Variants in BARX2 observed in about 807,000 individuals in gnomAD.
BARX2 encodes BARX homeobox 2, also known as homeobox protein BarH-like 2.
Under a neutral mutation model 25.5 loss-of-function variants are expected in BARX2, and 11 were observed. The observed-to-expected ratio is 0.43, with a 90% confidence interval of 0.27 to 0.71. The LOEUF is 0.71. Among genes scored for constraint, BARX2 ranks in the 30% least tolerant of loss-of-function variants. The pLI is 0.19. For missense variants in BARX2, 360 were observed against 359.9 expected, an observed-to-expected ratio of 1.00 and a Z score of 0.00; for synonymous variants, 137 against 149.5, an observed-to-expected ratio of 0.92 and a Z score of 0.61.
rs79376211 is a variant in BARX2 at position 129,390,846 on chromosome 11, T to G, written c.187+14624T>G. On this transcript the variant is annotated intron_variant, in intron 1 of 3. Transcript: ENST00000281437. This position sits in a 1 kb window ranked among gnomAD's most constrained non-coding sequence, Gnocchi z 4.3. ...TTTCATCATCCTGGGTCACAAAAGA[T>G]CATGACGACTGTATTATAATACAAT... is the stretch of plus-strand genomic sequence containing the variant. Among the ~76,000 whole-genome samples, 1 of 152,140 alleles carries G rather than the reference T, an allele frequency of 6.6e-6. No individual in the cohort carries two copies. Among genetic ancestry groups the G allele is most frequent in the Non-Finnish European group, 1.5e-5 (1 of 68,020 alleles).
intron 1 of BARX2, among the ~76,000 whole-genome samples, chr11:129,419,884 G>A (rs1861985185): frequency 2.0e-5 from 3 of 152,098 alleles, no homozygotes; most frequent in African/African-American, 7.2e-5. Context: ...GGGTTCAAGC[G>A]ATTCTCATGC....
intron 1 of BARX2, among the ~76,000 whole-genome samples, chr11:129,398,532 A>G (rs1861744920): frequency 6.6e-6 from 1 of 152,244 alleles, no homozygotes. Context: ...TATTCCAAGC[A>G]CATGCTCAAT....
chr11:129,446,718 T>A (rs1305875307), intron 3 of BARX2, among the ~76,000 whole-genome samples: 1 of 152,106 alleles, frequency 6.6e-6, no homozygotes, highest in Non-Finnish European at 1.5e-5. Context: ...TCCCCAGTCA[T>A]CTCCAAGTCA....
At chr11:129,389,260 A>G (rs1160598813) in intron 1 of BARX2, among the ~76,000 whole-genome samples, 3 of 152,218 alleles carry the variant, frequency 2.0e-5, no homozygotes, top group Non-Finnish European at 4.4e-5. Flanking sequence ...CTGAAGTACA[A>G]CCCTTTAGGG....
Position 129,382,467 on chromosome 11 carries a change from C to G in BARX2, c.187+6245C>G, listed in dbSNP as rs969569415. On this transcript the variant is annotated intron_variant, in intron 1 of 3. Coordinates refer to ENST00000281437, the MANE Select transcript of BARX2 (RefSeq NM_003658.5). ...GTGCTGGGATTACAGGCGTGAGCCACTGCACCCAGCCGAGGCCTCTTAATT... is the reference window on the plus strand; with the variant it reads ...GTGCTGGGATTACAGGCGTGAGCCAGTGCACCCAGCCGAGGCCTCTTAATT... 3.9e-5 allele frequency among the ~76,000 whole-genome samples: 6 copies of G among 152,230 alleles called. No individual in the cohort carries two copies. The South Asian group carries it at 1.2e-3, about 32-fold the overall frequency.
intron 1 of BARX2, among the ~76,000 whole-genome samples, chr11:129,388,801 T>A (rs1471020022): frequency 6.6e-6 from 1 of 152,192 alleles, no homozygotes; most frequent in African/African-American, 2.4e-5. Flanking sequence ...TTGATGTAAT[T>A]TGCACCCCAC....
intron 1 of BARX2, among the ~76,000 whole-genome samples, chr11:129,423,646 T>A (rs1303652907): frequency 6.6e-6 from 1 of 152,210 alleles, no homozygotes; most frequent in Non-Finnish European, 1.5e-5. Context: ...TCAAAACTTA[T>A]GTGAAAAGGC....
At chr11:129,421,184 T>C (rs1862000581) in intron 1 of BARX2, among the ~76,000 whole-genome samples, 1 of 152,238 alleles carries the variant, frequency 6.6e-6, no homozygotes, top group South Asian at 2.1e-4. Context: ...CAAAATCTTA[T>C]TGCTGTTATT....
intron 1 of BARX2, among the ~76,000 whole-genome samples, chr11:129,430,499 ATG>A (rs1242950972): frequency 2.0e-5 from 3 of 152,162 alleles, no homozygotes; most frequent in Non-Finnish European, 4.4e-5. Context: ...TTTGTAGCAA[ATG>A]TGTGTAACAT....
chr11:129,402,834 C>A (rs1861791520), intron 1 of BARX2, among the ~76,000 whole-genome samples: 3 of 152,152 alleles, frequency 2.0e-5, no homozygotes, highest in Non-Finnish European at 4.4e-5. Context: ...AGAGGGAGAT[C>A]CAAACCAAAC....
intron 1 of BARX2, among the ~76,000 whole-genome samples, chr11:129,388,885 A>G (rs1861641110): frequency 1.3e-5 from 2 of 152,290 alleles, no homozygotes; most frequent in South Asian, 4.1e-4. Flanking sequence ...CCTGGGTTTT[A>G]TTGTATTTTA....
Position 129,451,699 on chromosome 11 carries a change from T to C in BARX2, c.*297T>C, listed in dbSNP as rs1377968395. 4 of 403,232 alleles carry C rather than the reference T, an allele frequency of 9.9e-6. No individual in the cohort carries two copies. The highest frequency in any genetic ancestry group is 2.0e-5 in the African/African-American group (1 of 49,990). The allele number at this position is 403,232 out of a possible 1,614,324, so 25.0% of individuals were successfully genotyped here. A position where few individuals can be genotyped will look rare whatever the true frequency, so the allele number is the denominator to read the frequency against. ...CTGGGGTGACGGCTGTAGGGCTGGG[T>C]CTATGTTGCAAGCCCTATATCCTAG... On this transcript the variant is annotated 3_prime_UTR_variant, in exon 4 of 4. Transcript: ENST00000281437.
chr11:129,377,718 G>A (rs1180859490), intron 1 of BARX2, among the ~76,000 whole-genome samples: 1 of 152,100 alleles, frequency 6.6e-6, no homozygotes, highest in Non-Finnish European at 1.5e-5. Flanking sequence ...AATTCCCTTC[G>A]AGGAAAAAGA....
Position 129,390,373 on chromosome 11 carries a change from G to C in BARX2, c.187+14151G>C, listed in dbSNP as rs775232165. On this transcript the variant is annotated intron_variant, in intron 1 of 3. Coordinates refer to ENST00000281437, the MANE Select transcript of BARX2 (RefSeq NM_003658.5). This position sits in a 1 kb window ranked among gnomAD's most constrained non-coding sequence, Gnocchi z 4.3. The stretch of plus-strand genomic sequence containing the variant: ...GTCCCCTAGGGTCCTCAGAACCATA[G>C]AGTCTGAGTTTTCTGAATTGTTGAA... Among the ~76,000 whole-genome samples, 11 of 152,160 alleles carry C rather than the reference G, an allele frequency of 7.2e-5. No individual in the cohort carries two copies. The highest frequency in any genetic ancestry group is 1.6e-4 in the Non-Finnish European group (11 of 68,040).
At chr11:129,428,854 C>T (rs1035816388) in intron 1 of BARX2, among the ~76,000 whole-genome samples, 7 of 152,156 alleles carry the variant, frequency 4.6e-5, no homozygotes, top group African/African-American at 1.2e-4. Flanking sequence ...TTTGTGTGTG[C>T]GCCTCCAACT....
At chr11:129,400,707 T>C (rs1861766631) in intron 1 of BARX2, among the ~76,000 whole-genome samples, 1 of 152,168 alleles carries the variant, frequency 6.6e-6, no homozygotes, top group Non-Finnish European at 1.5e-5. Context: ...AGGATGACGT[T>C]GACAGGGATA....
At chr11:129,393,317 G>A (rs192695725) in intron 1 of BARX2, among the ~76,000 whole-genome samples, 1 of 152,306 alleles carries the variant, frequency 6.6e-6, no homozygotes, top group African/African-American at 2.4e-5. Context: ...ATTGTCTAAT[G>A]TGGCTTAGAC....
At chr11:129,411,758 T>C (rs1038633321) in intron 1 of BARX2, among the ~76,000 whole-genome samples, 6 of 152,210 alleles carry the variant, frequency 3.9e-5, no homozygotes. Context: ...CACAGGCCAA[T>C]TAAATTAGAA....
At chr11:129,384,562 C>T (rs1163555028) in intron 1 of BARX2, among the ~76,000 whole-genome samples, 2 of 152,178 alleles carry the variant, frequency 1.3e-5, no homozygotes. Flanking sequence ...AGTGTAACTT[C>T]CATGCTTAGT....
Sources: allele counts gnomAD v4.1 joint callset (sites outside exome capture counted in the v4.1 genomes callset), GRCh38; gene constraint gnomAD v4.1.1; non-coding constraint Gnocchi (gnomAD v3.1); transcripts MANE v1.5; gene names NCBI Gene and HGNC (gene_info 2026-07-23, HGNC 2026-07-21).